Variants in SUCO observed in about 807,000 individuals in gnomAD.
The protein encoded by SUCO is SUN domain containing ossification factor, also known as SUN domain-containing ossification factor.
A neutral mutation model predicts 148.1 loss-of-function variants in SUCO; 57 were observed. The observed-to-expected ratio is 0.38, with a 90% confidence interval of 0.31 to 0.48. The LOEUF is 0.48. Among genes scored for constraint, SUCO ranks in the 20% least tolerant of loss-of-function variants. SUCO has a pLI of 0.96. For synonymous variants in SUCO, 470 were observed against 502.7 expected (o/e 0.93, Z 0.87); for missense variants, 1,331 against 1,468.2 (o/e 0.91, Z 1.53).
intron 6 of SUCO, among the ~76,000 whole-genome samples, chr1:172,559,074 C>G (rs1343380876): frequency 6.6e-6 from 1 of 152,182 alleles, no homozygotes; most frequent in South Asian, 2.1e-4. Context: ...CAGAATAACT[C>G]TGTCCCGTTA....
At chr1:172,602,021 T>C (rs749536234) in intron 20 of SUCO, 43 bp from the exon 21 acceptor site, 3 of 1,529,456 alleles carry the variant, frequency 2.0e-6, no homozygotes, top group South Asian at 1.3e-5. Context: ...TTTTTCCTAA[T>C]ATGATTTCCT....
At chr1:172,578,489 G>C in intron 14 of SUCO, 100 bp downstream of exon 14, 1 of 1,400,022 alleles carries the variant, frequency 7.1e-7, no homozygotes, top group Non-Finnish European at 9.4e-7. Flanking sequence ...CAATATGACT[G>C]TTGTCTTCAG....
At chr1:172,601,532 A>T (rs1657530881) in intron 20 of SUCO, among the ~76,000 whole-genome samples, 2 of 151,780 alleles carry the variant, frequency 1.3e-5, no homozygotes, top group South Asian at 4.2e-4. Flanking sequence ...CAGTAGCCTG[A>T]ATGAGGTGGT....
Position 172,585,874 on chromosome 1 carries a change from T to C in SUCO, c.1584T>C (p.Ser528=). The change falls in exon 17 of 24, where the codon TCT becomes TCC. Residue 528 remains serine, a synonymous_variant. Transcript: ENST00000263688. Reference sequence around the variant, plus strand: ...TTAAAATAGGAAATAAAAGTATATCTGAGAATGCCACTGCCACAGCTGCAC... The same window carrying C: ...TTAAAATAGGAAATAAAAGTATATCCGAGAATGCCACTGCCACAGCTGCAC... The part of the protein sequence containing the change: ...EDLTEGNKSI[S]ENATATAAPK... The C allele has an allele frequency of 2.5e-6, 4 of 1,607,210 alleles. No homozygotes were observed. The highest frequency in any genetic ancestry group is 2.2e-5 in the South Asian group (2 of 90,100).
chr1:172,542,943 G>A lies in SUCO; in HGVS notation c.63-8569G>A, dbSNP rs367972572. ...TTTCAAAAGAGGGAAGTGATTGATA[G>A]CTTTTGGGAGTGGAGAATAATAGAA... On this transcript the variant is annotated intron_variant, in intron 1 of 23. Transcript: ENST00000263688. 4.2e-5 allele frequency: 41 copies of A among 985,290 alleles called. No homozygotes were observed. In the African/African-American group the frequency reaches 7.0e-4, roughly 17 times the overall value. 61.0% of individuals were successfully genotyped at this position (985,290 alleles called of 1,614,324 possible).
At chr1:172,582,284 G>T (rs895395520) in intron 15 of SUCO, among the ~76,000 whole-genome samples, 10 of 152,080 alleles carry the variant, frequency 6.6e-5, no homozygotes. Context: ...AGAAAATGTG[G>T]GCATGCTTCA....
At chr1:172,542,187 C>A (rs1289021455) in intron 1 of SUCO, among the ~76,000 whole-genome samples, 4 of 152,052 alleles carry the variant, frequency 2.6e-5, no homozygotes, top group Non-Finnish European at 1.5e-5. Context: ...CGAGACCAGC[C>A]TGACCAACAT....
At chr1:172,561,091 C>G (rs1654116410) in intron 6 of SUCO, among the ~76,000 whole-genome samples, 1 of 152,234 alleles carries the variant, frequency 6.6e-6, no homozygotes, top group Non-Finnish European at 1.5e-5. Context: ...TCCTTGCTTT[C>G]AAGTGGAATC....
rs1156243233 is a variant in SUCO at position 172,589,245 on chromosome 1, C to T, written c.2144C>T (p.Thr715Ile). 4.3e-6 allele frequency: 7 copies of T among 1,613,790 alleles called. No individual in the cohort carries two copies. The highest frequency in any genetic ancestry group is 4.0e-5 in the African/African-American group (3 of 74,892). ...CACCAGGATGACTTGGTGAATCACA[C>T]TGTAGATGCAGTTGAACTTGAACCA... ...SMHQDDLVNH[T>I]VDAVELEPSH... The change falls in exon 18 of 24, where the codon ACT becomes ATT. Residue 715 changes from threonine to isoleucine, a missense_variant. Physicochemically the swap from Thr to Ile is moderately conservative, Grantham distance 89. This residue lies in a region of SUCO where 992 missense variants were observed against 1,093.5 expected (regional missense o/e 0.91). Coordinates refer to ENST00000263688, the MANE Select transcript of SUCO (RefSeq NM_014283.5).
At chr1:172,572,696 T>TAAAA (rs61248782) in intron 9 of SUCO, among the ~76,000 whole-genome samples, 1,221 of 49,448 alleles carry the variant, frequency 0.025, no homozygotes, top group East Asian at 0.028. Context: ...GAATGATCAA[T>TAAAA]AAAAAAAAAA....
At chr1:172,584,934 T>A in intron 15 of SUCO, 84 bp from the exon 16 acceptor site, 1 of 881,366 alleles carries the variant, frequency 1.1e-6, no homozygotes, top group Non-Finnish European at 1.7e-6. Flanking sequence ...AAGATCATTC[T>A]AAATGATTTT....
Position 172,610,122 on chromosome 1 carries a change from C to T in SUCO, c.3628C>T (p.Gln1210Ter). 6.2e-7 allele frequency: 1 copy of T among 1,613,680 alleles called. No homozygotes were observed. The highest frequency in any genetic ancestry group is 1.1e-5 in the South Asian group (1 of 91,062). ...TTTAAAACGAAGACGATCTAAAGTC[C>T]AAGACCAAGGAAAATTGATAAAAAC... ...RALKRRRSKV[Q>*]DQGKLIKTLI... is the part of the protein sequence containing the mutation. Residue 1210 changes from glutamine to a stop codon, truncating the protein, a stop_gained, in exon 24 of 24, where the codon CAA (glutamine) becomes TAA (stop). Transcript: ENST00000263688. LOFTEE classifies it high-confidence loss of function.
intron 1 of SUCO, chr1:172,542,585 A>AC: frequency 4.6e-6 from 1 of 216,860 alleles, no homozygotes; most frequent in East Asian, 1.8e-4. Context: ...AGGAGCATGA[A>AC]CCCTACTATG....
At position 172,585,959 on chromosome 1, in the gene SUCO, A is replaced by G. The variant is rs769142595; in HGVS notation, c.1658+11A>G. On this transcript the variant is annotated intron_variant, in intron 17 of 23. Transcript: ENST00000263688. ...TGTTCCATCTCCTGAGTAAGTTATA[A>G]TGTGATATTAAATAGAATTTTGTTA... 1.3e-6 allele frequency: 2 copies of G among 1,536,078 alleles called. No homozygotes were observed. The highest frequency in any genetic ancestry group is 2.3e-5 in the East Asian group (1 of 44,142).
intron 7 of SUCO, among the ~76,000 whole-genome samples, chr1:172,569,695 T>TAA (rs542763752): frequency 6.7e-6 from 1 of 148,450 alleles, no homozygotes; most frequent in African/African-American, 2.5e-5. Flanking sequence ...CCCCAGAGCT[T>TAA]AAAAAAAAAA....
At chr1:172,577,152 C>T (rs1655507314) in intron 11 of SUCO, 8 of 274,358 alleles carry the variant, frequency 2.9e-5, no homozygotes, top group Non-Finnish European at 3.9e-5. Flanking sequence ...TATATAAATT[C>T]ATATATGGAT....
At chr1:172,568,220 T>G in intron 6 of SUCO, 1 of 784,882 alleles carries the variant, frequency 1.3e-6, no homozygotes, top group Non-Finnish European at 1.5e-6. Context: ...CTGATTTATA[T>G]GATATCTCAG....
intron 15 of SUCO, among the ~76,000 whole-genome samples, 182 bp downstream of exon 15, chr1:172,579,449 G>A (rs1049900881): frequency 3.9e-5 from 6 of 152,006 alleles, no homozygotes; most frequent in African/African-American, 1.4e-4. Context: ...AAAAGAAAGA[G>A]GAGAGAGACA....
Position 172,602,138 on chromosome 1 carries a change from G to A in SUCO, c.3093G>A (p.Gln1031=), listed in dbSNP as rs1188898074. Residue 1031 remains glutamine (Q), a synonymous_variant, in exon 21 of 24, where the codon CAG becomes CAA. Coordinates refer to ENST00000263688, the MANE Select transcript of SUCO (RefSeq NM_014283.5). ...TCTTGGGACTGATGCTTTGTATGCA[G>A]CGTTGTCGAAATACTTCTCAATTTG... The part of the protein sequence containing the change: ...CVVLGLMLCM[Q]RCRNTSQFDG... 1.2e-6 allele frequency: 2 copies of A among 1,613,590 alleles called. No individual in the cohort carries two copies. The highest frequency in any genetic ancestry group is 2.7e-5 in the African/African-American group (2 of 74,878).
Sources: gnomAD v4.1 joint callset for allele counts (sites outside exome capture counted in the v4.1 genomes callset) on GRCh38, gnomAD v4.1.1 for gene constraint, gnomAD v4.1.1 regional missense constraint, MANE v1.5 for transcripts, NCBI Gene and HGNC (gene_info 2026-07-23, HGNC 2026-07-21) for gene names.